Variants in CTNNA1 observed in about 807,000 individuals in gnomAD.
CTNNA1 encodes the protein catenin alpha 1, also known as catenin alpha-1.
Under a neutral mutation model 98.4 loss-of-function variants are expected in CTNNA1, and 37 were observed. The observed-to-expected ratio is 0.38, with a 90% confidence interval of 0.29 to 0.49. The LOEUF (loss-of-function observed/expected upper bound fraction) is 0.49. Ranked by LOEUF, CTNNA1 falls within the 20% of genes least tolerant of loss-of-function variation. The probability of loss-of-function intolerance (pLI) is 0.95; values close to 1 mark genes in which losing one functional copy is unlikely to be tolerated. For synonymous variants in CTNNA1, 404 were observed against 413.2 expected (o/e 0.98, Z 0.27); for missense variants, 761 against 1,147.2 (o/e 0.66, Z 4.86).
chr5:138,789,708 G>A (rs757556141), intron 3 of CTNNA1, among the ~76,000 whole-genome samples: 4 of 152,214 alleles, frequency 2.6e-5, no homozygotes, highest in Non-Finnish European at 5.9e-5. Flanking sequence ...CACCCACCTC[G>A]GCCTCCTAAA....
chr5:138,759,264 T>G (rs535237693), intron 1 of CTNNA1, among the ~76,000 whole-genome samples: 1 of 152,270 alleles, frequency 6.6e-6, no homozygotes, highest in African/African-American at 2.4e-5. Flanking sequence ...ATTCCCAGGG[T>G]TTGCTGGATT....
chr5:138,753,661 C>T (rs1381476753), intron 1 of CTNNA1, 151 bp downstream of exon 1: 11 of 338,426 alleles, frequency 3.3e-5, no homozygotes, highest in Middle Eastern at 8.1e-4. Context: ...GGGAATTGGG[C>T]CCCGGGCGGG....
At chr5:138,795,075 G>A (rs369678852) in intron 3 of CTNNA1, among the ~76,000 whole-genome samples, 3 of 150,148 alleles carry the variant, frequency 2.0e-5, no homozygotes, top group African/African-American at 2.5e-5. Flanking sequence ...ACTTGAACTC[G>A]GGAGGTGAAG....
chr5:138,823,128 T>A (rs1215683417), intron 5 of CTNNA1, among the ~76,000 whole-genome samples: 1 of 152,256 alleles, frequency 6.6e-6, no homozygotes, highest in Non-Finnish European at 1.5e-5. Flanking sequence ...TTTAGAGTTA[T>A]CACCTGTATT....
intron 7 of CTNNA1, among the ~76,000 whole-genome samples, chr5:138,838,905 A>G (rs1383805214): frequency 6.6e-6 from 1 of 152,158 alleles, no homozygotes; most frequent in Non-Finnish European, 1.5e-5. Flanking sequence ...TGCTGGGATT[A>G]CAGGCGTGAG....
chr5:138,818,513 CTT>C, intron 5 of CTNNA1, among the ~76,000 whole-genome samples: 1 of 152,162 alleles, frequency 6.6e-6, no homozygotes, highest in Non-Finnish European at 1.5e-5. Flanking sequence ...TTTATAGAGA[CTT>C]TCCCTTGCAG....
intron 7 of CTNNA1, among the ~76,000 whole-genome samples, chr5:138,842,300 T>A (rs1056942690): frequency 3.9e-5 from 6 of 152,126 alleles, no homozygotes; most frequent in Admixed American, 3.3e-4. Flanking sequence ...ACTTCATTTT[T>A]CACACAAAGA....
At chr5:138,776,842 GC>G (rs1281330377) in intron 1 of CTNNA1, among the ~76,000 whole-genome samples, 128 of 70,538 alleles carry the variant, frequency 1.8e-3, no homozygotes, top group African/African-American at 6.3e-3. Flanking sequence ...GGCTGGCCGG[GC>G]GGGGGGGCTG....
In CTNNA1 at chr5:138,874,057, G is replaced by A. The variant is rs768649635; in HGVS notation, c.1063-12155G>A. The stretch of plus-strand genomic sequence containing the variant: ...ACAGGCGTACTGGGATAGTCCGCAG[G>A]GAGTTGGAACGTAAATGCAAGGTCT... On this transcript the variant is annotated intron_variant, in intron 7 of 17. Coordinates refer to ENST00000302763, the MANE Select transcript of CTNNA1 (RefSeq NM_001903.5). The surrounding 1 kb of genome is among the most constrained non-coding windows in gnomAD (Gnocchi z 4.1). 1 of 1,613,960 alleles carries A rather than the reference G, an allele frequency of 6.2e-7. No homozygotes were observed.
intron 1 of CTNNA1, among the ~76,000 whole-genome samples, chr5:138,775,808 C>A (rs1395225479): frequency 6.7e-6 from 1 of 149,210 alleles, no homozygotes; most frequent in Non-Finnish European, 1.5e-5. Flanking sequence ...CTGCAACCTC[C>A]GCCTCCCAGG....
chr5:138,830,956 T>TA, intron 7 of CTNNA1, among the ~76,000 whole-genome samples: 1 of 152,260 alleles, frequency 6.6e-6, no homozygotes, highest in Admixed American at 6.5e-5. Context: ...ATCTTGATTT[T>TA]AAAAAAATGG....
chr5:138,887,353 A>G, intron 8 of CTNNA1, 137 bp from the exon 9 acceptor site: 1 of 572,894 alleles, frequency 1.7e-6, no homozygotes, highest in South Asian at 2.6e-5. Flanking sequence ...TGCATGGCTT[A>G]CATGAGGGGT....
At chr5:138,762,711 C>T (rs947547925) in intron 1 of CTNNA1, among the ~76,000 whole-genome samples, 10 of 151,550 alleles carry the variant, frequency 6.6e-5, no homozygotes, top group East Asian at 1.9e-4. Context: ...AGGGCAACTT[C>T]GGATGTTCTA....
chr5:138,889,905 C>T (rs191827888), intron 9 of CTNNA1, among the ~76,000 whole-genome samples: 265 of 152,270 alleles, frequency 1.7e-3, no homozygotes, highest in African/African-American at 5.1e-3. Flanking sequence ...GCCTCAAATT[C>T]CTGACTTATG....
At chr5:138,871,737 C>T (rs1750647640) in intron 7 of CTNNA1, 1 of 152,206 alleles carries the variant, frequency 6.6e-6, no homozygotes, top group South Asian at 2.1e-4. Context: ...AGTTGTTCTG[C>T]CATGAGATTC....
rs73267575 is a variant in CTNNA1, at chr5:138,787,957, A to G, written c.301+4585A>G. Among the ~76,000 whole-genome samples, 471 of 152,342 alleles carry G rather than the reference A, an allele frequency of 3.1e-3. 4 individuals carry two copies. Among genetic ancestry groups the G allele is most frequent in the African/African-American group, 0.011 (446 of 41,576 alleles). ...TGGATAGGAGCCAGTCACCAATTGC[A>G]TGGCTTCCAAATCTCTGTGATCTAA... On this transcript the variant is annotated intron_variant, in intron 3 of 17. Transcript: ENST00000302763.
At chr5:138,920,529 A>T (rs1015232662) in intron 11 of CTNNA1, among the ~76,000 whole-genome samples, 7 of 152,184 alleles carry the variant, frequency 4.6e-5, no homozygotes, top group Non-Finnish European at 7.3e-5. Flanking sequence ...CCAGCACAGG[A>T]TCTGGCTTTT....
At chr5:138,815,464 G>A (rs547373657) in intron 5 of CTNNA1, among the ~76,000 whole-genome samples, 267 of 151,872 alleles carry the variant, frequency 1.8e-3, no homozygotes, top group African/African-American at 5.1e-3. Context: ...GTGATGCTAG[G>A]GTGTTACTCT....
chr5:138,805,457 G>A (rs904776096), intron 3 of CTNNA1, among the ~76,000 whole-genome samples: 6 of 152,056 alleles, frequency 3.9e-5, no homozygotes, highest in African/African-American at 1.4e-4. Context: ...TCCTAACTAA[G>A]TACAAAGTGA....
Sources: gnomAD v4.1 joint callset for allele counts (sites outside exome capture counted in the v4.1 genomes callset) on GRCh38, gnomAD v4.1.1 for gene constraint, Gnocchi (gnomAD v3.1) non-coding constraint, MANE v1.5 for transcripts, NCBI Gene and HGNC (gene_info 2026-07-23, HGNC 2026-07-21) for gene names.